The following GALNT18 variants were observed in gnomAD, a reference collection of about 807,000 sequenced individuals.
GALNT18 encodes polypeptide N-acetylgalactosaminyltransferase 18.
A neutral mutation model predicts 69.5 loss-of-function variants in GALNT18; 44 were observed. The observed-to-expected ratio is 0.63, with a 90% confidence interval of 0.50 to 0.81. The LOEUF is 0.81. GALNT18 is among the 40% of genes least tolerant of loss of function. The pLI, the probability that GALNT18 is intolerant of heterozygous loss-of-function variation, is 0.00. For missense variants in GALNT18, 715 were observed against 810.0 expected (o/e 0.88, Z 1.42); for synonymous variants, 364 against 318.2 (o/e 1.14, Z -1.53).
Position 11,377,111 on chromosome 11 carries a change from C to T in GALNT18, c.977+71G>A. The T allele has an allele frequency of 7.0e-7, 1 of 1,436,334 alleles. No individual in the cohort carries two copies. The highest frequency in any genetic ancestry group is 9.7e-7 in the Non-Finnish European group (1 of 1,028,576). 89.0% of individuals were successfully genotyped at this position (1,436,334 alleles called of 1,614,324 possible). ...GATGGGGCTCAAGTTGGAGAATAAG[C>T]ATTGGACCAGTAGGCGGTCCCTAGC... On this transcript the variant is annotated intron_variant, in intron 5 of 10. Coordinates refer to ENST00000227756, the MANE Select transcript of GALNT18 (RefSeq NM_198516.3). This position sits in a 1 kb window ranked among gnomAD's most constrained non-coding sequence, Gnocchi z 4.6.
chr11:11,292,184 T>A (rs1284116289), intron 10 of GALNT18, among the ~76,000 whole-genome samples: 1 of 152,076 alleles, frequency 6.6e-6, no homozygotes, highest in Non-Finnish European at 1.5e-5. Context: ...CACAACCCCA[T>A]GGGCTCCCTC....
In GALNT18 at chr11:11,600,071, T is replaced by G. The variant is rs559708569; in HGVS notation, c.235+21288A>C. On this transcript the variant is annotated intron_variant, in intron 1 of 10. Transcript: ENST00000227756. This position sits in a 1 kb window ranked among gnomAD's most constrained non-coding sequence, Gnocchi z 4.8. ...TATTCCCTCCTCCATATTTTTGTGC[T>G]TCCTGTTAATATATATTACATTTCT... Among the ~76,000 whole-genome samples, 108 of 152,258 alleles carry G rather than the reference T, an allele frequency of 7.1e-4. No individual in the cohort carries two copies. The highest frequency in any genetic ancestry group is 1.3e-3 in the Non-Finnish European group (90 of 67,936).
At chr11:11,479,023 C>T (rs1856466257) in intron 1 of GALNT18, among the ~76,000 whole-genome samples, 1 of 152,230 alleles carries the variant, frequency 6.6e-6, no homozygotes, top group Non-Finnish European at 1.5e-5. Context: ...GGCCCTGCGT[C>T]TTGGGCTCTG....
At chr11:11,556,049 G>T (rs1422204201) in intron 1 of GALNT18, among the ~76,000 whole-genome samples, 1 of 152,186 alleles carries the variant, frequency 6.6e-6, no homozygotes, top group African/African-American at 2.4e-5. Flanking sequence ...ACAATCGCAT[G>T]GAACTGGTGG....
At chr11:11,556,658 A>C (rs1241000857) in intron 1 of GALNT18, among the ~76,000 whole-genome samples, 1 of 152,254 alleles carries the variant, frequency 6.6e-6, no homozygotes, top group African/African-American at 2.4e-5. Context: ...CTGCTGGCTA[A>C]AATTCTGAAA....
chr11:11,460,856 C>A (rs1225316069), intron 1 of GALNT18, among the ~76,000 whole-genome samples: 1 of 152,152 alleles, frequency 6.6e-6, no homozygotes. Flanking sequence ...ATTCAGAACC[C>A]TCTGAGAAAA....
intron 1 of GALNT18, among the ~76,000 whole-genome samples, chr11:11,522,404 C>T (rs896005331): frequency 6.6e-6 from 1 of 152,188 alleles, no homozygotes; most frequent in African/African-American, 2.4e-5. Flanking sequence ...GTCCTCCCAT[C>T]AGAGGGAAGG....
At chr11:11,400,116 T>C (rs1413293536) in intron 3 of GALNT18, among the ~76,000 whole-genome samples, 1 of 152,184 alleles carries the variant, frequency 6.6e-6, no homozygotes, top group African/African-American at 2.4e-5. Flanking sequence ...GGACACTCTC[T>C]CTTGGATCAC....
chr11:11,621,551 C>A lies in GALNT18; in HGVS notation c.43G>T (p.Val15Leu), dbSNP rs953823602. The A allele has an allele frequency of 3.1e-6, 5 of 1,613,310 alleles. No homozygotes were observed. In the African/African-American group the frequency reaches 5.3e-5, roughly 17 times the overall value. The change falls in exon 1 of 11, where the codon GTG becomes TTG. Residue 15 changes from valine to leucine, a missense_variant. Coordinates refer to ENST00000227756, the MANE Select transcript of GALNT18 (RefSeq NM_198516.3). The surrounding 1 kb of genome is among the most constrained non-coding windows in gnomAD (Gnocchi z 9.3). ...RKTKTLVSTC[V>L]ILSGMTNIIC... is the part of the protein sequence containing the mutation. ...ATGTTAGTCATGCCGCTCAGGATCA[C>A]GCAAGTGGACACCAAAGTTTTGGTC...
At chr11:11,599,020 T>A (rs1469229457) in intron 1 of GALNT18, among the ~76,000 whole-genome samples, 1 of 152,166 alleles carries the variant, frequency 6.6e-6, no homozygotes, top group African/African-American at 2.4e-5. Flanking sequence ...GTGTATGGTG[T>A]ATTCTGGATA....
intron 1 of GALNT18, among the ~76,000 whole-genome samples, chr11:11,478,266 A>G (rs1469942891): frequency 6.6e-6 from 1 of 152,244 alleles, no homozygotes; most frequent in Non-Finnish European, 1.5e-5. Flanking sequence ...TTTTCAACCT[A>G]GAGTTCTAAA....
At chr11:11,472,615 T>C (rs180937519) in intron 1 of GALNT18, among the ~76,000 whole-genome samples, 1 of 152,106 alleles carries the variant, frequency 6.6e-6, no homozygotes, top group African/African-American at 2.4e-5. Context: ...CTCTTATACA[T>C]TGAGTCTAGT....
intron 7 of GALNT18, among the ~76,000 whole-genome samples, chr11:11,335,329 T>C (rs2133051839): frequency 6.6e-6 from 1 of 152,326 alleles, no homozygotes; most frequent in South Asian, 2.1e-4. Flanking sequence ...CCCCTTCCTG[T>C]GTATTAATTG....
At chr11:11,379,822 G>C (rs1853866318) in intron 3 of GALNT18, among the ~76,000 whole-genome samples, 1 of 152,240 alleles carries the variant, frequency 6.6e-6, no homozygotes, top group Admixed American at 6.5e-5. Context: ...TGAGTAGCTG[G>C]TGTTGGTTTG....
At position 11,377,424 on chromosome 11, in the gene GALNT18, T is replaced by C. The variant is rs1156540072; in HGVS notation, c.780-45A>G. The C allele has an allele frequency of 6.3e-7, 1 of 1,581,588 alleles. No homozygotes were observed. Among genetic ancestry groups the C allele is most frequent in the African/African-American group, 1.3e-5 (1 of 74,302 alleles). On this transcript the variant is annotated intron_variant, in intron 4 of 10. Transcript: ENST00000227756. This position sits in a 1 kb window ranked among gnomAD's most constrained non-coding sequence, Gnocchi z 4.6. ...CCAGAGAGGGTAACCATTTCCAAGGTGGAAAAATCCAGAGTAGCATCTCCT... is the reference window on the plus strand; with the variant it reads ...CCAGAGAGGGTAACCATTTCCAAGGCGGAAAAATCCAGAGTAGCATCTCCT...
chr11:11,394,120 G>A (rs939536967), intron 3 of GALNT18, among the ~76,000 whole-genome samples: 5 of 152,194 alleles, frequency 3.3e-5, no homozygotes. Context: ...GTTGTCACAA[G>A]GTGCTATGAA....
intron 9 of GALNT18, among the ~76,000 whole-genome samples, chr11:11,323,529 G>A (rs944309741): frequency 1.3e-5 from 2 of 152,198 alleles, no homozygotes; most frequent in African/African-American, 4.8e-5. Context: ...CATCACTACC[G>A]TGGCTGTGTG....
chr11:11,450,890 C>T (rs1855778655), intron 1 of GALNT18, among the ~76,000 whole-genome samples: 1 of 152,198 alleles, frequency 6.6e-6, no homozygotes. Context: ...AGCTGGATTT[C>T]AGTCCTGGGA....
intron 9 of GALNT18, among the ~76,000 whole-genome samples, chr11:11,319,155 T>G (rs1355801302): frequency 6.6e-6 from 1 of 152,188 alleles, no homozygotes; most frequent in Non-Finnish European, 1.5e-5. Context: ...CAGTACTTGC[T>G]TAACCGTCTT....
Sources: gnomAD v4.1 joint callset for allele counts (sites outside exome capture counted in the v4.1 genomes callset) on GRCh38, gnomAD v4.1.1 for gene constraint, Gnocchi (gnomAD v3.1) non-coding constraint, MANE v1.5 for transcripts, NCBI Gene and HGNC (gene_info 2026-07-23, HGNC 2026-07-21) for gene names.